Variants in MYT1L observed in about 807,000 individuals in gnomAD.
The protein encoded by MYT1L is myelin transcription factor 1-like protein.
Under a neutral mutation model 126.7 loss-of-function variants are expected in MYT1L, and 12 were observed. The observed-to-expected ratio is 0.09, with a 90% CI of 0.06 to 0.15. MYT1L has a LOEUF of 0.15. Ranked by LOEUF, MYT1L falls within the 10% of genes least tolerant of loss-of-function variation. The pLI, the probability that MYT1L is intolerant of heterozygous loss-of-function variation, is 1.00. For missense variants in MYT1L, 979 were observed against 1,585.2 expected, an observed-to-expected ratio of 0.62 and a Z score of 6.49; for synonymous variants, 541 against 604.2, an observed-to-expected ratio of 0.90 and a Z score of 1.53.
At chr2:1,861,158 C>T (rs1219450147) in intron 18 of MYT1L, among the ~76,000 whole-genome samples, 2 of 152,200 alleles carry the variant, frequency 1.3e-5, no homozygotes, top group African/African-American at 4.8e-5. Flanking sequence ...ACACAGACTC[C>T]TGTGTGTGCC....
chr2:1,799,425 C>T (rs2147886193), intron 23 of MYT1L, among the ~76,000 whole-genome samples: 1 of 152,340 alleles, frequency 6.6e-6, no homozygotes, highest in East Asian at 1.9e-4. Flanking sequence ...CAGCCCTCGG[C>T]TGAGCCCCAG....
At chr2:2,162,526 C>A (rs1289993022) in intron 3 of MYT1L, among the ~76,000 whole-genome samples, 3 of 152,200 alleles carry the variant, frequency 2.0e-5, no homozygotes, top group Admixed American at 2.0e-4. Flanking sequence ...CCTGGGCACA[C>A]AGGATGCCTG....
At chr2:2,065,888 G>A (rs1247954325) in intron 3 of MYT1L, among the ~76,000 whole-genome samples, 1 of 150,652 alleles carries the variant, frequency 6.6e-6, no homozygotes, top group Non-Finnish European at 1.5e-5. Context: ...TAGAACCAAA[G>A]TTGGAAGTTA....
intron 8 of MYT1L, among the ~76,000 whole-genome samples, chr2:1,971,084 G>A (rs1227349658): frequency 6.6e-6 from 1 of 152,132 alleles, no homozygotes; most frequent in African/African-American, 2.4e-5. Context: ...AGAGACTGAG[G>A]TGGGAGGATC....
intron 2 of MYT1L, among the ~76,000 whole-genome samples, chr2:2,205,041 T>A (rs1422280499): frequency 7.0e-6 from 1 of 143,716 alleles, no homozygotes; most frequent in African/African-American, 2.6e-5. Context: ...ATGTTCTCAC[T>A]CACAGGTGGG....
chr2:1,845,133 T>G (rs2042327174), intron 19 of MYT1L, among the ~76,000 whole-genome samples: 1 of 152,086 alleles, frequency 6.6e-6, no homozygotes, highest in African/African-American at 2.4e-5. Context: ...CTTGCACTAC[T>G]ACACCTGGAT....
intron 4 of MYT1L, among the ~76,000 whole-genome samples, chr2:2,040,386 C>T (rs1014567078): frequency 2.0e-5 from 3 of 152,178 alleles, no homozygotes; most frequent in African/African-American, 7.2e-5. Flanking sequence ...CAGAAATCAT[C>T]CATGCAGATT....
chr2:2,211,741 G>A (rs946288373), intron 2 of MYT1L, among the ~76,000 whole-genome samples: 1 of 147,666 alleles, frequency 6.8e-6, no homozygotes. Context: ...GAAGGCAGAG[G>A]TTGCAGTGAG....
intron 2 of MYT1L, among the ~76,000 whole-genome samples, chr2:2,231,824 C>T (rs537375747): frequency 7.9e-4 from 120 of 152,248 alleles, no homozygotes; most frequent in Middle Eastern, 3.4e-3. Flanking sequence ...TGGATTTCCA[C>T]GATAACTCCT....
intron 9 of MYT1L, among the ~76,000 whole-genome samples, chr2:1,925,927 G>A (rs1021207284): frequency 2.0e-5 from 3 of 152,134 alleles, no homozygotes; most frequent in African/African-American, 7.2e-5. Flanking sequence ...CACAGGATAT[G>A]CCTCCTAAAG....
chr2:1,823,219 G>C (rs896432858), intron 21 of MYT1L, among the ~76,000 whole-genome samples: 2 of 152,212 alleles, frequency 1.3e-5, no homozygotes, highest in African/African-American at 2.4e-5. Flanking sequence ...AGACCCAGCA[G>C]GGGCACCCAG....
chr2:2,282,315 A>G (rs540187805), intron 2 of MYT1L, among the ~76,000 whole-genome samples: 4 of 152,250 alleles, frequency 2.6e-5, no homozygotes, highest in Non-Finnish European at 5.9e-5. Flanking sequence ...GAGTTTATGA[A>G]AATTTAGAAG....
intron 3 of MYT1L, among the ~76,000 whole-genome samples, chr2:2,159,640 G>T (rs1456575295): frequency 1.3e-5 from 2 of 152,060 alleles, no homozygotes; most frequent in Non-Finnish European, 1.5e-5. Context: ...TAGCGAGGGG[G>T]CGTGGATCCC....
At chr2:2,272,773 T>C (rs2095288492) in intron 2 of MYT1L, among the ~76,000 whole-genome samples, 1 of 152,164 alleles carries the variant, frequency 6.6e-6, no homozygotes, top group Admixed American at 6.5e-5. Context: ...GTTGAGCAAA[T>C]GGCACTTTCA....
intron 3 of MYT1L, among the ~76,000 whole-genome samples, chr2:2,096,030 A>C (rs1291172338): frequency 6.6e-6 from 1 of 152,224 alleles, no homozygotes; most frequent in Non-Finnish European, 1.5e-5. Flanking sequence ...CACATGGTTC[A>C]CGCATGCTTA....
chr2:2,135,807 G>A (rs940446668), intron 3 of MYT1L, among the ~76,000 whole-genome samples: 3 of 152,148 alleles, frequency 2.0e-5, no homozygotes, highest in Admixed American at 6.6e-5. Flanking sequence ...AGAGGAATGC[G>A]CTGTCTTTCA....
chr2:1,951,587 C>T (rs909468898), intron 8 of MYT1L, among the ~76,000 whole-genome samples: 2 of 152,198 alleles, frequency 1.3e-5, no homozygotes, highest in Non-Finnish European at 2.9e-5. Context: ...AATATCAGCA[C>T]AAGGTCTGTG....
intron 18 of MYT1L, among the ~76,000 whole-genome samples, chr2:1,884,649 T>G (rs372815063): frequency 6.6e-6 from 1 of 152,236 alleles, no homozygotes; most frequent in East Asian, 1.9e-4. Flanking sequence ...TTCAGTCAAG[T>G]TCAGATTTCC....
intron 4 of MYT1L, among the ~76,000 whole-genome samples, chr2:2,038,039 G>A (rs1307701280): frequency 1.3e-5 from 2 of 151,720 alleles, no homozygotes; most frequent in African/African-American, 4.9e-5. Flanking sequence ...GCTATGTCTT[G>A]GTGAACTTTG....
Sources: gnomAD v4.1 joint callset for allele counts (sites outside exome capture counted in the v4.1 genomes callset) on GRCh38, gnomAD v4.1.1 for gene constraint, MANE v1.5 for transcripts, NCBI Gene and HGNC (gene_info 2026-07-23, HGNC 2026-07-21) for gene names.